KDM4C: variants seen among roughly 807,000 people sequenced by gnomAD.
The protein encoded by KDM4C is lysine-specific demethylase 4C.
Under a neutral mutation model 129.3 loss-of-function variants are expected in KDM4C, and 81 were observed. The ratio of observed to expected loss-of-function variants is 0.63; its 90% CI spans 0.52 to 0.75. The LOEUF is 0.75. Ranked by LOEUF, KDM4C falls within the 30% of genes least tolerant of loss-of-function variation. The pLI, the probability that KDM4C is intolerant of heterozygous loss-of-function variation, is 0.00. For synonymous variants in KDM4C, 573 were observed against 456.1 expected, an observed-to-expected ratio of 1.26 and a Z score of -3.26; for missense variants, 1,457 against 1,304.0, an observed-to-expected ratio of 1.12 and a Z score of -1.81.
At chr9:6,799,321 G>C (rs1417059706) in intron 2 of KDM4C, among the ~76,000 whole-genome samples, 4 of 152,252 alleles carry the variant, frequency 2.6e-5, no homozygotes, top group Non-Finnish European at 5.9e-5. Context: ...CCGGCATCTT[G>C]GGAGGCCGAG....
intron 16 of KDM4C, 62 bp from the exon 17 acceptor site, chr9:7,049,030 C>G (rs915090473): frequency 8.3e-6 from 9 of 1,083,266 alleles, no homozygotes; most frequent in African/African-American, 7.8e-5. Context: ...ACTGGCATCA[C>G]CAAGTTGAAG....
At chr9:6,938,246 A>G (rs1400997856) in intron 8 of KDM4C, among the ~76,000 whole-genome samples, 2 of 152,068 alleles carry the variant, frequency 1.3e-5, no homozygotes, top group Admixed American at 1.3e-4. Flanking sequence ...AAACATATTT[A>G]TATGTTATGT....
At chr9:6,923,926 A>G (rs1045310237) in intron 8 of KDM4C, among the ~76,000 whole-genome samples, 1 of 152,194 alleles carries the variant, frequency 6.6e-6, no homozygotes, top group African/African-American at 2.4e-5. Flanking sequence ...ACCGATGCTT[A>G]TGGCTGCTGC....
chr9:7,129,190 A>G (rs1377560827), intron 19 of KDM4C, among the ~76,000 whole-genome samples: 3 of 152,204 alleles, frequency 2.0e-5, no homozygotes, highest in Non-Finnish European at 2.9e-5. Flanking sequence ...TTTAATAGTC[A>G]TAATTGTGTA....
At chr9:6,768,704 T>C (rs1185214729) in intron 1 of KDM4C, among the ~76,000 whole-genome samples, 1 of 152,174 alleles carries the variant, frequency 6.6e-6, no homozygotes, top group African/African-American at 2.4e-5. Context: ...AGAAGGATTT[T>C]CATGATCTTG....
chr9:7,139,035 T>G (rs1178271612), intron 19 of KDM4C, among the ~76,000 whole-genome samples: 1 of 151,712 alleles, frequency 6.6e-6, no homozygotes, highest in African/African-American at 2.4e-5. Context: ...ACCTTGGGAG[T>G]TCGAGGCAGG....
intron 17 of KDM4C, among the ~76,000 whole-genome samples, chr9:7,075,772 C>A (rs1411314654): frequency 1.3e-5 from 2 of 152,028 alleles, no homozygotes; most frequent in African/African-American, 2.4e-5. Context: ...AAGAGGGAGA[C>A]TCCATCTCCT....
intron 15 of KDM4C, among the ~76,000 whole-genome samples, chr9:7,018,488 C>T (rs896347983): frequency 6.8e-6 from 1 of 146,750 alleles, no homozygotes; most frequent in Non-Finnish European, 1.5e-5. Flanking sequence ...AGGTCCTATT[C>T]CTAGTATATG....
At chr9:7,036,685 A>G (rs1374911245) in intron 15 of KDM4C, among the ~76,000 whole-genome samples, 6 of 152,164 alleles carry the variant, frequency 3.9e-5, no homozygotes, top group Admixed American at 3.3e-4. Context: ...ACTGAATGAA[A>G]ATTCAGTTTG....
chr9:6,827,685 C>G (rs1054793998), intron 4 of KDM4C, among the ~76,000 whole-genome samples: 13 of 152,270 alleles, frequency 8.5e-5, no homozygotes, highest in Middle Eastern at 6.8e-3. Context: ...TTTGAAATAA[C>G]AAATCGTTCA....
intron 6 of KDM4C, among the ~76,000 whole-genome samples, chr9:6,884,940 A>G (rs1035873341): frequency 2.0e-5 from 3 of 152,246 alleles, no homozygotes; most frequent in Non-Finnish European, 4.4e-5. Context: ...CCTGTTCCAT[A>G]TTTTTAGACA....
At chr9:6,885,977 C>T (rs1460574244) in intron 6 of KDM4C, among the ~76,000 whole-genome samples, 1 of 152,218 alleles carries the variant, frequency 6.6e-6, no homozygotes, top group Non-Finnish European at 1.5e-5. Context: ...GGAATAGACT[C>T]TTCTTTCTTC....
At chr9:6,803,282 A>T (rs1457956680) in intron 2 of KDM4C, among the ~76,000 whole-genome samples, 1 of 152,124 alleles carries the variant, frequency 6.6e-6, no homozygotes, top group Non-Finnish European at 1.5e-5. Context: ...CCTTAAAAAG[A>T]TTGTTTTAGG....
At chr9:7,069,171 C>T (rs1046592410) in intron 17 of KDM4C, among the ~76,000 whole-genome samples, 16 of 152,036 alleles carry the variant, frequency 1.1e-4, no homozygotes, top group African/African-American at 3.4e-4. Context: ...ATAAATATTC[C>T]TTCTTATTGT....
chr9:6,847,524 G>C (rs1325439207), intron 4 of KDM4C, among the ~76,000 whole-genome samples: 1 of 151,996 alleles, frequency 6.6e-6, no homozygotes, highest in Non-Finnish European at 1.5e-5. Context: ...CCGAGTGGCT[G>C]GGACTACAGA....
chr9:6,764,780 T>G (rs562790293), intron 1 of KDM4C, among the ~76,000 whole-genome samples: 1 of 152,378 alleles, frequency 6.6e-6, no homozygotes, highest in African/African-American at 2.4e-5. Flanking sequence ...GCCTTTGTGC[T>G]AATGACTTCT....
chr9:6,741,724 T>A (rs973331620), intron 1 of KDM4C, among the ~76,000 whole-genome samples: 53 of 140,984 alleles, frequency 3.8e-4, no homozygotes, highest in African/African-American at 1.4e-3. Context: ...TATTCAGCAC[T>A]TTTTTTTTTT....
intron 17 of KDM4C, among the ~76,000 whole-genome samples, chr9:7,098,783 C>T (rs1836742093): frequency 6.6e-6 from 1 of 152,184 alleles, no homozygotes; most frequent in African/African-American, 2.4e-5. Context: ...TTTATTGTGG[C>T]TAGACTATCC....
At chr9:6,753,658 T>C (rs1368786095), upstream of KDM4C, among the ~76,000 whole-genome samples, 2 of 151,970 alleles carry the variant, frequency 1.3e-5, no homozygotes, top group Admixed American at 6.6e-5. Flanking sequence ...CTGTATTAGG[T>C]GAGGGACTTT....
Sources: allele counts gnomAD v4.1 joint callset (sites outside exome capture counted in the v4.1 genomes callset), GRCh38; gene constraint gnomAD v4.1.1; transcripts MANE v1.5; gene names NCBI Gene and HGNC (gene_info 2026-07-23, HGNC 2026-07-21).